NKAIN2: variants seen among roughly 807,000 people sequenced by gnomAD.
The protein encoded by NKAIN2 is sodium/potassium transporting ATPase interacting 2, also known as sodium/potassium-transporting ATPase subunit beta-1-interacting protein 2.
A neutral mutation model predicts 32.6 loss-of-function variants in NKAIN2; 14 were observed. The observed-to-expected ratio is 0.43, with a 90% CI of 0.28 to 0.67. NKAIN2 has a LOEUF of 0.67. Among genes scored for constraint, NKAIN2 ranks in the 30% least tolerant of loss-of-function variants. The pLI is 0.17. For missense variants in NKAIN2, 198 were observed against 258.3 expected, an observed-to-expected ratio of 0.77 and a Z score of 1.60; for synonymous variants, 80 against 87.2, an observed-to-expected ratio of 0.92 and a Z score of 0.46.
intron 4 of NKAIN2, among the ~76,000 whole-genome samples, chr6:124,770,003 G>A (rs1237103656): frequency 6.6e-6 from 1 of 152,090 alleles, no homozygotes; most frequent in African/African-American, 2.4e-5. Flanking sequence ...CTTCAACTTG[G>A]TTTCAGGCAG....
intron 1 of NKAIN2, among the ~76,000 whole-genome samples, chr6:124,149,820 G>A (rs767507248): frequency 1.4e-5 from 2 of 147,278 alleles, no homozygotes; most frequent in Non-Finnish European, 3.1e-5. Flanking sequence ...CAGTGTAAGA[G>A]CAGTTAGGTG....
At chr6:124,059,624 C>A (rs1422871280) in intron 1 of NKAIN2, among the ~76,000 whole-genome samples, 1 of 152,138 alleles carries the variant, frequency 6.6e-6, no homozygotes, top group Non-Finnish European at 1.5e-5. Context: ...AATGCATCCG[C>A]CTGACTCTGT....
intron 2 of NKAIN2, among the ~76,000 whole-genome samples, chr6:124,352,893 G>A (rs756113188): frequency 5.9e-5 from 9 of 152,060 alleles, no homozygotes; most frequent in Non-Finnish European, 1.0e-4. Context: ...TCCATATTTT[G>A]TCTTGGATCA....
chr6:124,701,167 A>G (rs1044479856), intron 4 of NKAIN2, among the ~76,000 whole-genome samples: 1 of 151,648 alleles, frequency 6.6e-6, no homozygotes, highest in Non-Finnish European at 1.5e-5. Flanking sequence ...ACACACACAC[A>G]CACACACACA....
chr6:123,811,000 C>A (rs1350740483), intron 1 of NKAIN2, among the ~76,000 whole-genome samples: 1 of 152,114 alleles, frequency 6.6e-6, no homozygotes, highest in Non-Finnish European at 1.5e-5. Context: ...ATTTGTATTG[C>A]TAAGGAATTC....
intron 1 of NKAIN2, among the ~76,000 whole-genome samples, chr6:124,275,321 ACT>A (rs141186268): frequency 0.036 from 5,444 of 152,100 alleles, 211 homozygotes; most frequent in African/African-American, 0.093. Context: ...GAAAAATGTG[ACT>A]CTGTGTTTCA....
At chr6:124,066,543 A>C (rs1783188577) in intron 1 of NKAIN2, among the ~76,000 whole-genome samples, 1 of 152,190 alleles carries the variant, frequency 6.6e-6, no homozygotes, top group Admixed American at 6.5e-5. Context: ...TCATATATGC[A>C]TATGCACATT....
chr6:124,688,089 TA>T (rs1311434475), intron 4 of NKAIN2, among the ~76,000 whole-genome samples: 24 of 152,222 alleles, frequency 1.6e-4, no homozygotes, highest in African/African-American at 4.1e-4. Context: ...AAAACATTTC[TA>T]ATCTCCCAAA....
chr6:124,121,306 G>A (rs1002729231), intron 1 of NKAIN2, among the ~76,000 whole-genome samples: 1 of 151,970 alleles, frequency 6.6e-6, no homozygotes, highest in African/African-American at 2.4e-5. Context: ...GAAGCCATTT[G>A]TTTTCCAGTA....
At chr6:124,647,496 CAAAAAAAAAAA>C (rs1157607122) in intron 3 of NKAIN2, among the ~76,000 whole-genome samples, 7 of 58,950 alleles carry the variant, frequency 1.2e-4, no homozygotes, top group East Asian at 1.3e-3. Context: ...GAGACTCTGT[CAAAAAAAAAAA>C]AAAAAAAAAA....
At chr6:124,101,868 G>T (rs1191172358) in intron 1 of NKAIN2, among the ~76,000 whole-genome samples, 2 of 152,314 alleles carry the variant, frequency 1.3e-5, no homozygotes, top group Admixed American at 1.3e-4. Flanking sequence ...GAAGGAAAAT[G>T]ATGTGGCCAC....
chr6:124,660,167 C>T (rs145267631), intron 4 of NKAIN2, among the ~76,000 whole-genome samples: 15 of 152,206 alleles, frequency 9.9e-5, no homozygotes, highest in Admixed American at 9.8e-4. Flanking sequence ...AGGTTTTAAA[C>T]AAAATATTCC....
rs924772295 is a variant in NKAIN2, at chr6:123,919,409, A to C, written c.54+115155A>C. Among the ~76,000 whole-genome samples, 9 of 152,120 alleles carry C rather than the reference A, an allele frequency of 5.9e-5. No homozygotes were observed. In the East Asian group the frequency reaches 1.5e-3, roughly 26 times the overall value. The stretch of plus-strand genomic sequence containing the variant: ...TTATTCTTAACATTAATTGAAAGAC[A>C]GAAAAGAAATTTTTATTTTCTAAAT... On this transcript the variant is annotated intron_variant, in intron 1 of 6. Coordinates refer to ENST00000368417, the MANE Select transcript of NKAIN2 (RefSeq NM_001040214.3).
intron 1 of NKAIN2, among the ~76,000 whole-genome samples, chr6:124,136,988 A>G (rs1786830693): frequency 1.3e-5 from 2 of 152,148 alleles, no homozygotes; most frequent in Admixed American, 1.3e-4. Context: ...TCTATTCAAC[A>G]TAGTACTGTA....
chr6:123,844,091 G>C (rs1774996743), intron 1 of NKAIN2, among the ~76,000 whole-genome samples: 1 of 152,152 alleles, frequency 6.6e-6, no homozygotes, highest in South Asian at 2.1e-4. Flanking sequence ...AGAAAGATGG[G>C]TGAGAGACAG....
intron 1 of NKAIN2, among the ~76,000 whole-genome samples, chr6:123,842,853 T>C (rs914257899): frequency 2.6e-5 from 4 of 152,132 alleles, no homozygotes; most frequent in Admixed American, 6.5e-5. Context: ...GGCTCCTTCC[T>C]CTTATCTGGT....
intron 1 of NKAIN2, among the ~76,000 whole-genome samples, chr6:124,118,293 G>A (rs533634040): frequency 6.6e-6 from 1 of 151,842 alleles, no homozygotes; most frequent in East Asian, 1.9e-4. Flanking sequence ...TTAAAAAATC[G>A]GAATAAAAAG....
chr6:123,861,882 G>A (rs1412856450), intron 1 of NKAIN2, among the ~76,000 whole-genome samples: 1 of 151,948 alleles, frequency 6.6e-6, no homozygotes, highest in African/African-American at 2.4e-5. Flanking sequence ...TATTTGTACT[G>A]TAATATTGCC....
At chr6:124,107,136 T>C (rs1785160510) in intron 1 of NKAIN2, among the ~76,000 whole-genome samples, 1 of 152,042 alleles carries the variant, frequency 6.6e-6, no homozygotes, top group African/African-American at 2.4e-5. Context: ...AGGGAACAAG[T>C]GCAAAGGCCT....
Sources: gnomAD v4.1 joint callset for allele counts (sites outside exome capture counted in the v4.1 genomes callset) on GRCh38, gnomAD v4.1.1 for gene constraint, MANE v1.5 for transcripts, NCBI Gene and HGNC (gene_info 2026-07-23, HGNC 2026-07-21) for gene names.